PFDN1: variants seen among roughly 807,000 people sequenced by gnomAD.
The protein encoded by PFDN1 is prefoldin 1.
PFDN1 carries 6 observed loss-of-function variants against 17.3 expected under a neutral mutation model. That is an observed-to-expected ratio of 0.35 (90% CI 0.19 to 0.69). The LOEUF is 0.69. PFDN1 is among the 30% of genes least tolerant of loss of function. The pLI, the probability that PFDN1 is intolerant of heterozygous loss-of-function variation, is 0.65. For missense variants in PFDN1, 113 were observed against 146.2 expected (o/e 0.77, Z 1.17); for synonymous variants, 58 against 50.1 (o/e 1.16, Z -0.67).
intron 3 of PFDN1, among the ~76,000 whole-genome samples, chr5:140,267,207 G>A (rs543055733): frequency 2.6e-5 from 4 of 152,298 alleles, no homozygotes; most frequent in South Asian, 4.1e-4. Flanking sequence ...TCACACATGC[G>A]GTTATATTTT....
At chr5:140,262,591 T>C (rs1017615044) in intron 3 of PFDN1, 2 of 455,072 alleles carry the variant, frequency 4.4e-6, no homozygotes, top group South Asian at 1.6e-5. Context: ...TTGTGCTTCA[T>C]ATGGAATGAA....
chr5:140,263,570 C>T (rs1016254692), intron 3 of PFDN1, among the ~76,000 whole-genome samples: 1 of 152,120 alleles, frequency 6.6e-6, no homozygotes, highest in Non-Finnish European at 1.5e-5. Flanking sequence ...GGCTTAAAAA[C>T]ACCGTATCAG....
intron 3 of PFDN1, among the ~76,000 whole-genome samples, chr5:140,275,277 G>A (rs1211666245): frequency 6.6e-6 from 1 of 151,744 alleles, no homozygotes; most frequent in Non-Finnish European, 1.5e-5. Context: ...GGCATGGCGG[G>A]GTGTGCCTGT....
intron 3 of PFDN1, among the ~76,000 whole-genome samples, chr5:140,268,903 A>G (rs1320764607): frequency 1.3e-5 from 2 of 152,250 alleles, no homozygotes; most frequent in African/African-American, 4.8e-5. Context: ...TGTGATTTAA[A>G]TGACTGCAAA....
At chr5:140,260,238 G>A (rs994357100) in intron 3 of PFDN1, among the ~76,000 whole-genome samples, 7 of 152,010 alleles carry the variant, frequency 4.6e-5, no homozygotes, top group Admixed American at 6.6e-5. Flanking sequence ...ACAAGTGCTG[G>A]CAAAGATGTG....
At chr5:140,291,455 T>C (rs897060476) in intron 2 of PFDN1, among the ~76,000 whole-genome samples, 3 of 152,130 alleles carry the variant, frequency 2.0e-5, no homozygotes, top group South Asian at 2.1e-4. Context: ...GATGGTTTGT[T>C]TATAAACAGC....
intron 1 of PFDN1, among the ~76,000 whole-genome samples, chr5:140,302,200 C>G (rs1303224843): frequency 6.6e-6 from 1 of 152,220 alleles, no homozygotes; most frequent in Non-Finnish European, 1.5e-5. Flanking sequence ...TTCTGACAGA[C>G]TTTTCTGGCA....
intron 3 of PFDN1, among the ~76,000 whole-genome samples, chr5:140,252,949 C>T (rs1220702125): frequency 1.3e-5 from 2 of 152,184 alleles, no homozygotes; most frequent in Non-Finnish European, 2.9e-5. Context: ...CAGGTCTAAG[C>T]GGTCCACGGA....
chr5:140,279,979 G>A (rs1449360531), intron 3 of PFDN1, among the ~76,000 whole-genome samples: 1 of 60,764 alleles, frequency 1.6e-5, no homozygotes, highest in African/African-American at 1.0e-4. Flanking sequence ...TGGGCAACAA[G>A]AGCGAAACTC....
chr5:140,263,629 A>G (rs1369742760), intron 3 of PFDN1, among the ~76,000 whole-genome samples: 5 of 152,142 alleles, frequency 3.3e-5, no homozygotes, highest in Non-Finnish European at 7.4e-5. Context: ...GGTAATTTAT[A>G]AAGAAAAGAA....
chr5:140,275,836 C>G (rs1765283083), intron 3 of PFDN1, among the ~76,000 whole-genome samples: 1 of 151,652 alleles, frequency 6.6e-6, no homozygotes, highest in Non-Finnish European at 1.5e-5. Flanking sequence ...CTCGGTGGGC[C>G]AAATCAGTAA....
rs559463209 is a variant in PFDN1, at chr5:140,285,823, T to C, written c.201-4290A>G. Among the ~76,000 whole-genome samples, 6 of 151,844 alleles carry C rather than the reference T, an allele frequency of 4.0e-5. No homozygotes were observed. The South Asian group carries it at 6.3e-4, about 16-fold the overall frequency. On this transcript the variant is annotated intron_variant, in intron 2 of 3. Transcript: ENST00000261813. ...TTAAGTATCCACACTGGCACAGAAA[T>C]AGGATACAAAACAGGAGATAAAACC...
At chr5:140,247,524 C>G (rs1764847532) in intron 3 of PFDN1, among the ~76,000 whole-genome samples, 1 of 152,176 alleles carries the variant, frequency 6.6e-6, no homozygotes, top group Non-Finnish European at 1.5e-5. Flanking sequence ...TTCCGTGAAC[C>G]TCTGATTCCT....
At chr5:140,279,630 T>C (rs939165913) in intron 3 of PFDN1, among the ~76,000 whole-genome samples, 2 of 152,146 alleles carry the variant, frequency 1.3e-5, no homozygotes, top group African/African-American at 4.8e-5. Context: ...CCCACTCTGC[T>C]AATTTTTTAA....
At chr5:140,246,496 C>T (rs986075346) in intron 3 of PFDN1, among the ~76,000 whole-genome samples, 29 of 152,234 alleles carry the variant, frequency 1.9e-4, no homozygotes, top group Admixed American at 3.9e-4. Flanking sequence ...GGATGGTGCA[C>T]GCTCTGCCCT....
intron 2 of PFDN1, among the ~76,000 whole-genome samples, chr5:140,284,442 T>C (rs1655721389): frequency 6.6e-6 from 1 of 152,346 alleles, no homozygotes; most frequent in African/African-American, 2.4e-5. Context: ...AACATCTGAT[T>C]TCTGAAAAAA....
chr5:140,256,294 C>T (rs1764984618), intron 3 of PFDN1, among the ~76,000 whole-genome samples: 2 of 151,928 alleles, frequency 1.3e-5, no homozygotes, highest in East Asian at 3.9e-4. Flanking sequence ...GCATGAGAAT[C>T]GCTTGAACCC....
chr5:140,285,849 A>C (rs940508711), intron 2 of PFDN1, among the ~76,000 whole-genome samples: 2 of 151,994 alleles, frequency 1.3e-5, no homozygotes, highest in African/African-American at 4.8e-5. Flanking sequence ...AGATAAAACC[A>C]AGGGGGCAGC....
chr5:140,289,765 C>T (rs763272577), intron 2 of PFDN1, among the ~76,000 whole-genome samples: 5 of 152,158 alleles, frequency 3.3e-5, no homozygotes, highest in Non-Finnish European at 5.9e-5. Flanking sequence ...TTTATCAACC[C>T]ATACCAACAT....
Sources: allele counts gnomAD v4.1 joint callset (sites outside exome capture counted in the v4.1 genomes callset), GRCh38; gene constraint gnomAD v4.1.1; transcripts MANE v1.5; gene names NCBI Gene and HGNC (gene_info 2026-07-23, HGNC 2026-07-21).